Variants in SUPV3L1 observed in about 807,000 individuals in gnomAD.
The protein encoded by SUPV3L1 is Suv3 like RNA helicase, also known as ATP-dependent RNA helicase SUPV3L1, mitochondrial.
A neutral mutation model predicts 70.0 loss-of-function variants in SUPV3L1; 35 were observed. That is an observed-to-expected ratio of 0.50 (90% CI 0.38 to 0.66). The LOEUF is 0.66. SUPV3L1 is among the 30% of genes least tolerant of loss of function. SUPV3L1 has a pLI of 0.00. For synonymous variants in SUPV3L1, 364 were observed against 341.9 expected (o/e 1.06, Z -0.71); for missense variants, 777 against 961.5 (o/e 0.81, Z 2.54).
intron 5 of SUPV3L1, among the ~76,000 whole-genome samples, chr10:69,190,717 C>T (rs1182389432): frequency 6.6e-6 from 1 of 152,186 alleles, no homozygotes; most frequent in Non-Finnish European, 1.5e-5. Flanking sequence ...TGGACAGTTC[C>T]TCAGTCTTCC....
intron 6 of SUPV3L1, among the ~76,000 whole-genome samples, chr10:69,193,452 G>GT (rs11321429): frequency 0.11 from 14,298 of 130,988 alleles, 1,084 homozygotes; most frequent in African/African-American, 0.19. Flanking sequence ...TCACGAAGTA[G>GT]TTTTTTTTTT....
At chr10:69,191,614 C>G in intron 5 of SUPV3L1, 41 bp from the exon 6 acceptor site, 1 of 1,534,994 alleles carries the variant, frequency 6.5e-7, no homozygotes, top group Non-Finnish European at 9.0e-7. Context: ...CGTATTTTTG[C>G]ATTATTTTCA....
At chr10:69,181,330 C>T (rs912363669) in intron 1 of SUPV3L1, among the ~76,000 whole-genome samples, 1 of 152,116 alleles carries the variant, frequency 6.6e-6, no homozygotes, top group Non-Finnish European at 1.5e-5. Context: ...GAAATGCTAT[C>T]CAGAATTGTC....
intron 5 of SUPV3L1, among the ~76,000 whole-genome samples, chr10:69,190,180 CTG>C (rs1444728105): frequency 6.6e-6 from 1 of 152,204 alleles, no homozygotes; most frequent in Non-Finnish European, 1.5e-5. Context: ...TCTCAAAACT[CTG>C]TAGTCCTTTG....
chr10:69,186,340 A>AG (rs1278281178), intron 2 of SUPV3L1, 103 bp from the exon 3 acceptor site: 19 of 669,444 alleles, frequency 2.8e-5, no homozygotes, highest in African/African-American at 1.2e-4. Flanking sequence ...AAAAAAAAAA[A>AG]AAAAGAAAAA....
chr10:69,208,046 G>C lies in SUPV3L1; in HGVS notation c.1925+105G>C, dbSNP rs559679474. 20 of 1,372,794 alleles carry C rather than the reference G, an allele frequency of 1.5e-5. No individual in the cohort carries two copies. In the African/African-American group the frequency reaches 2.9e-4, roughly 20 times the overall value. The allele number at this position is 1,372,794 out of a possible 1,614,324, so 85.0% of individuals were successfully genotyped here. A position where few individuals can be genotyped will look rare whatever the true frequency, so the allele number is the denominator to read the frequency against. On this transcript the variant is annotated intron_variant, in intron 14 of 14. Coordinates refer to ENST00000359655, the MANE Select transcript of SUPV3L1 (RefSeq NM_003171.5). ...CAAATTATGGACATATTTGCAAGAT[G>C]CTCTATATTATGTCTATTGTCCATA...
intron 5 of SUPV3L1, among the ~76,000 whole-genome samples, chr10:69,190,743 C>T (rs1842369094): frequency 6.6e-6 from 1 of 152,134 alleles, no homozygotes; most frequent in Non-Finnish European, 1.5e-5. Context: ...CTTTCATAAC[C>T]TGTACATTTT....
chr10:69,201,826 A>G (rs1589388630), intron 11 of SUPV3L1, among the ~76,000 whole-genome samples: 1 of 149,344 alleles, frequency 6.7e-6, no homozygotes, highest in African/African-American at 2.5e-5. Flanking sequence ...GGCATGAGCC[A>G]CTGCACCTGG....
Position 69,191,765 on chromosome 10 carries a change from T to C in SUPV3L1, c.852T>C (p.Pro284=). Residue 284 remains proline (P), a splice_region_variant and synonymous_variant, in exon 6 of 15, where the codon CCT becomes CCC. Coordinates refer to ENST00000359655, the MANE Select transcript of SUPV3L1 (RefSeq NM_003171.5). ...TTGAGATGTGCAGTGTTACAACTCCTTGTATGTATATGCTGTTTAAGAAAC... is the reference window on the plus strand; with the variant it reads ...TTGAGATGTGCAGTGTTACAACTCCCTGTATGTATATGCTGTTTAAGAAAC... ...CTVEMCSVTT[P]YEVAVIDEIQ... 1 of 1,608,878 alleles carries C rather than the reference T, an allele frequency of 6.2e-7. No homozygotes were observed. Among genetic ancestry groups the C allele is most frequent in the Admixed American group, 1.7e-5 (1 of 59,942 alleles).
intron 13 of SUPV3L1, among the ~76,000 whole-genome samples, chr10:69,204,205 C>T (rs1043885636): frequency 1.3e-5 from 2 of 152,054 alleles, no homozygotes; most frequent in Admixed American, 6.6e-5. Flanking sequence ...GTGAGGGAAG[C>T]GGTTCAGAAC....
Position 69,197,070 on chromosome 10 carries a change from G to C in SUPV3L1, c.1010G>C (p.Gly337Ala). 6.2e-7 allele frequency: 1 copy of C among 1,614,064 alleles called. No homozygotes were observed. Among genetic ancestry groups the C allele is most frequent in the Non-Finnish European group, 8.5e-7 (1 of 1,179,968 alleles). The change falls in exon 8 of 15, where the codon GGG becomes GCG. Residue 337 changes from glycine to alanine, a missense_variant. Physicochemically the swap from Gly to Ala is moderately conservative, Grantham distance 60. Coordinates refer to ENST00000359655, the MANE Select transcript of SUPV3L1 (RefSeq NM_003171.5). ...DLVMELMYTTGEEVEVRDYKR... is the reference protein window; with the variant it reads ...DLVMELMYTTAEEVEVRDYKR... ...GTGATGGAGCTTATGTACACAACGG[G>C]GGAGGAAGTGGAGGTATTCGATTAG...
At chr10:69,183,789 C>T (rs1842137351) in intron 1 of SUPV3L1, among the ~76,000 whole-genome samples, 1 of 152,004 alleles carries the variant, frequency 6.6e-6, no homozygotes, top group Admixed American at 6.5e-5. Flanking sequence ...GTACAATCAT[C>T]ACCATAATTT....
In SUPV3L1 at chr10:69,202,855, T is replaced by C. The variant is rs1324158125; in HGVS notation, c.1600-12T>C. ...TAGGCAGTCCAGTAATTTCTGTCTT[T>C]TTTTCCCCAAGGATATTTTTGTAGA... is the stretch of plus-strand genomic sequence containing the variant. On this transcript the variant is annotated splice_polypyrimidine_tract_variant and intron_variant, in intron 12 of 14. Transcript: ENST00000359655. 2 of 1,608,432 alleles carry C rather than the reference T, an allele frequency of 1.2e-6. No individual in the cohort carries two copies. Among genetic ancestry groups the C allele is most frequent in the Admixed American group, 1.7e-5 (1 of 59,176 alleles).
chr10:69,208,284 A>G (rs1433409762), intron 14 of SUPV3L1, among the ~76,000 whole-genome samples: 1 of 152,226 alleles, frequency 6.6e-6, no homozygotes, highest in Non-Finnish European at 1.5e-5. Flanking sequence ...CTGCATTTTA[A>G]CAAGATCCCT....
chr10:69,191,946 A>G lies in SUPV3L1; in HGVS notation c.853+180A>G. On this transcript the variant is annotated intron_variant, in intron 6 of 14. Coordinates refer to ENST00000359655, the MANE Select transcript of SUPV3L1 (RefSeq NM_003171.5). ...CTCAGCCTCCCAAGTAGCCGGGATT[A>G]CAGGTGCCCGCCACCACACCCGGCT... The G allele has an allele frequency of 6.4e-6, 3 of 466,660 alleles. No individual in the cohort carries two copies. In the South Asian group the frequency reaches 8.6e-5, roughly 13 times the overall value. 28.9% of individuals were successfully genotyped at this position (466,660 alleles called of 1,614,324 possible).
At chr10:69,190,764 A>G (rs996372370) in intron 5 of SUPV3L1, among the ~76,000 whole-genome samples, 1 of 152,214 alleles carries the variant, frequency 6.6e-6, no homozygotes, top group Admixed American at 6.5e-5. Flanking sequence ...GGAAGACTAT[A>G]GGTCAGTTGT....
intron 8 of SUPV3L1, among the ~76,000 whole-genome samples, chr10:69,198,125 T>C (rs1021803399): frequency 1.3e-5 from 2 of 152,206 alleles, no homozygotes; most frequent in African/African-American, 4.8e-5. Flanking sequence ...AAATGAAATA[T>C]ATGAGAAAAA....
Position 69,186,473 on chromosome 10 carries a change from T to G in SUPV3L1, c.380T>G (p.Phe127Cys). The change falls in exon 3 of 15, where the codon TTT (phenylalanine) becomes TGT (cysteine). Residue 127 changes from phenylalanine to cysteine, a missense_variant. Physicochemically the swap from Phe to Cys is radical, Grantham distance 205 (BLOSUM62 -2). Around this residue, in one of 2 missense-constraint regions of SUPV3L1, gnomAD observed 619 missense variants for 823.3 expected, o/e 0.75. Transcript: ENST00000359655. ...CTCTTCCACCAAGCTTTCATAAGCT[T>G]TAGAAATTATATTATGCAGTCTCAT... Reference protein sequence around the residue: ...ARLFHQAFISFRNYIMQSHSL... With the variant: ...ARLFHQAFISCRNYIMQSHSL... 6.2e-7 allele frequency: 1 copy of G among 1,614,020 alleles called. No individual in the cohort carries two copies. The highest frequency in any genetic ancestry group is 8.5e-7 in the Non-Finnish European group (1 of 1,179,974).
rs568133891 is a variant in SUPV3L1, at chr10:69,186,544, G to T, written c.451G>T (p.Gly151Cys). 1.2e-6 allele frequency: 2 copies of T among 1,612,006 alleles called. No individual in the cohort carries two copies. The highest frequency in any genetic ancestry group is 1.3e-5 in the African/African-American group (1 of 74,818). The change falls in exon 3 of 15, where the codon GGT (glycine) becomes TGT (cysteine). Residue 151 changes from glycine (G) to cysteine (C), a missense_variant. Around this residue, in one of 2 missense-constraint regions of SUPV3L1, gnomAD observed 619 missense variants for 823.3 expected, o/e 0.75. Coordinates refer to ENST00000359655, the MANE Select transcript of SUPV3L1 (RefSeq NM_003171.5). ...IHIVLNDICFGAAHADDLFPF... is the reference protein window; with the variant it reads ...IHIVLNDICFCAAHADDLFPF... ...CATTGTTTTGAATGATATTTGCTTCGGTGCAGGCAAGTGTTTAGAGACTTT... is the reference window on the plus strand; with the variant it reads ...CATTGTTTTGAATGATATTTGCTTCTGTGCAGGCAAGTGTTTAGAGACTTT...
Sources: gnomAD v4.1 joint callset for allele counts (sites outside exome capture counted in the v4.1 genomes callset) on GRCh38, gnomAD v4.1.1 for gene constraint, gnomAD v4.1.1 regional missense constraint, MANE v1.5 for transcripts, NCBI Gene and HGNC (gene_info 2026-07-23, HGNC 2026-07-21) for gene names.